CUL4A: variants seen among roughly 807,000 people sequenced by gnomAD.
The protein encoded by CUL4A is cullin-4A.
CUL4A carries 16 observed loss-of-function variants against 95.5 expected under a neutral mutation model. That is an observed-to-expected ratio of 0.17 (90% CI 0.11 to 0.25). The LOEUF (loss-of-function observed/expected upper bound fraction) is 0.25. Among genes scored for constraint, CUL4A ranks in the 10% least tolerant of loss-of-function variants. The pLI is 1.00. For synonymous variants in CUL4A, 380 were observed against 353.1 expected (o/e 1.08, Z -0.85); for missense variants, 610 against 937.0 (o/e 0.65, Z 4.56).
intron 15 of CUL4A, among the ~76,000 whole-genome samples, 194 bp downstream of exon 15, chr13:113,246,257 A>T (rs914120092): frequency 2.0e-5 from 3 of 152,224 alleles, no homozygotes; most frequent in Non-Finnish European, 4.4e-5. Flanking sequence ...GGCTCCTCCC[A>T]GTGCAGCCTG....
chr13:113,255,269 A>G (rs1475523436), intron 18 of CUL4A, 144 bp downstream of exon 18: 2 of 538,944 alleles, frequency 3.7e-6, no homozygotes, highest in East Asian at 3.2e-5. Context: ...AAGAGTACTC[A>G]TTTTCCTGTC....
Position 113,264,274 on chromosome 13 carries a change from T to C in CUL4A, c.*692T>C, listed in dbSNP as rs912800409. ...CTGAGTTCCTTGTGAATCTCTGTTT[T>C]AGGGTTTGGGGCTAGTGTGTTTGTG... On this transcript the variant is annotated 3_prime_UTR_variant, in exon 20 of 20. Coordinates refer to ENST00000375440, the MANE Select transcript of CUL4A (RefSeq NM_001008895.4). 1 of 152,206 alleles carries C rather than the reference T, an allele frequency of 6.6e-6. No individual in the cohort carries two copies. The highest frequency in any genetic ancestry group is 1.5e-5 in the Non-Finnish European group (1 of 68,036). 9.4% of individuals were successfully genotyped at this position (152,206 alleles called of 1,614,324 possible). A position where few individuals can be genotyped will look rare whatever the true frequency, so the allele number is the denominator to read the frequency against.
At chr13:113,234,414 A>G (rs994183930) in intron 7 of CUL4A, among the ~76,000 whole-genome samples, 2 of 152,200 alleles carry the variant, frequency 1.3e-5, no homozygotes, top group Admixed American at 1.3e-4. Flanking sequence ...TCACCTTTCC[A>G]GATACCAGAG....
intron 2 of CUL4A, among the ~76,000 whole-genome samples, chr13:113,214,868 C>T (rs1048299821): frequency 2.0e-5 from 3 of 151,996 alleles, no homozygotes; most frequent in African/African-American, 7.2e-5. Flanking sequence ...CTGTGAAGGT[C>T]GCTATATGAC....
At chr13:113,228,119 CAT>C (rs1354451871) in intron 4 of CUL4A, 74 bp downstream of exon 4, 8 of 1,115,870 alleles carry the variant, frequency 7.2e-6, no homozygotes, top group Admixed American at 1.7e-5. Context: ...AGAGCTGAGA[CAT>C]AGAAGTTCTG....
intron 18 of CUL4A, among the ~76,000 whole-genome samples, chr13:113,258,895 G>A (rs1028780712): frequency 5.3e-5 from 8 of 152,202 alleles, no homozygotes; most frequent in African/African-American, 1.9e-4. Context: ...CCTGATCAGG[G>A]AGCCACAGCT....
Position 113,241,905 on chromosome 13 carries a change from T to C in CUL4A, c.1036-1063T>C, listed in dbSNP as rs1329590861. Among the ~76,000 whole-genome samples the C allele has an allele frequency of 2.0e-5, 3 of 152,202 alleles. No homozygotes were observed. In the East Asian group the frequency reaches 5.8e-4, roughly 29 times the overall value. On this transcript the variant is annotated intron_variant, in intron 10 of 19. Transcript: ENST00000375440. ...ATTCTATTGAGACGAATTTTTTAAA[T>C]CCAATCATTGTATTCAGTTCCTCTT...
chr13:113,225,391 T>C (rs2041063273), intron 3 of CUL4A, among the ~76,000 whole-genome samples: 1 of 152,272 alleles, frequency 6.6e-6, no homozygotes, highest in Non-Finnish European at 1.5e-5. Flanking sequence ...TACCATTTTG[T>C]AGTTTTTTTC....
intron 9 of CUL4A, among the ~76,000 whole-genome samples, chr13:113,238,282 A>G (rs2041608399): frequency 6.6e-6 from 1 of 152,086 alleles, no homozygotes; most frequent in Non-Finnish European, 1.5e-5. Flanking sequence ...TCTACCAAAA[A>G]AATAAAAATA....
At chr13:113,210,223 C>T in intron 2 of CUL4A, 135 bp downstream of exon 2, 1 of 541,866 alleles carries the variant, frequency 1.8e-6, no homozygotes, top group South Asian at 2.6e-5. Context: ...ACTGCAGGGC[C>T]GGGAGCCCCA....
intron 14 of CUL4A, among the ~76,000 whole-genome samples, chr13:113,245,672 GA>G (rs2041838058): frequency 6.6e-6 from 1 of 152,158 alleles, no homozygotes; most frequent in Admixed American, 6.5e-5. Flanking sequence ...TATGTAAGAA[GA>G]AAATTACACT....
At position 113,239,491 on chromosome 13, in the gene CUL4A, G is replaced by C. The variant is rs780132772; in HGVS notation, c.975G>C (p.Leu325=). The change falls in exon 10 of 20, where the codon CTG becomes CTC. Residue 325 remains leucine, a synonymous_variant. Transcript: ENST00000375440. ...CGGACCTCGCACAGATGTACCAGCT[G>C]TTCAGCCGGGTGAGGGGCGGGCAGC... ...RVPDLAQMYQ[L]FSRVRGGQQA... The C allele has an allele frequency of 1.2e-6, 2 of 1,613,954 alleles. No homozygotes were observed. The highest frequency in any genetic ancestry group is 2.2e-5 in the South Asian group (2 of 90,996).
At chr13:113,260,539 GAC>G in intron 18 of CUL4A, 66 bp from the exon 19 acceptor site, 1 of 1,420,284 alleles carries the variant, frequency 7.0e-7, no homozygotes, top group Non-Finnish European at 9.5e-7. Flanking sequence ...AACTGAGTGA[GAC>G]TCCATCGCAA....
intron 19 of CUL4A, among the ~76,000 whole-genome samples, chr13:113,262,713 G>GC (rs2042314367): frequency 6.6e-6 from 1 of 152,224 alleles, no homozygotes; most frequent in South Asian, 2.1e-4. Context: ...GATAAAAGTT[G>GC]CCCCAGTAAG....
At chr13:113,242,825 C>T in intron 10 of CUL4A, 143 bp from the exon 11 acceptor site, 2 of 651,598 alleles carry the variant, frequency 3.1e-6, no homozygotes, top group Non-Finnish European at 4.9e-6. Flanking sequence ...AATGTGAATT[C>T]AATTTGTGAA....
At position 113,266,977 on chromosome 13, in the gene CUL4A, C is replaced by A. The variant is rs757464328; in HGVS notation, c.*3395C>A. 6.6e-6 allele frequency: 1 copy of A among 152,108 alleles called. No individual in the cohort carries two copies. Among genetic ancestry groups the A allele is most frequent in the African/African-American group, 2.4e-5 (1 of 41,418 alleles). 9.4% of individuals were successfully genotyped at this position (152,108 alleles called of 1,614,324 possible). On this transcript the variant is annotated 3_prime_UTR_variant, in exon 20 of 20. Coordinates refer to ENST00000375440, the MANE Select transcript of CUL4A (RefSeq NM_001008895.4). ...TACATCCATCACCTCAAATACTTAA[C>A]ATTTTTGTAGTGAGAACATCTGAAA...
intron 18 of CUL4A, among the ~76,000 whole-genome samples, chr13:113,260,202 T>TAAAAAAAA (rs2042234392): frequency 1.6e-3 from 1 of 644 alleles, no homozygotes; most frequent in Non-Finnish European, 3.1e-3. Flanking sequence ...AGACTCCGTC[T>TAAAAAAAA]CAAAAAAAAA....
At chr13:113,242,925 A>G (rs367933332) in intron 10 of CUL4A, 43 bp from the exon 11 acceptor site, 410 of 1,500,780 alleles carry the variant, frequency 2.7e-4, no homozygotes, top group Non-Finnish European at 3.4e-4. Context: ...ACTGTTTGCT[A>G]TTGTAAACAT....
At chr13:113,258,897 G>C (rs111343907) in intron 18 of CUL4A, among the ~76,000 whole-genome samples, 1 of 152,312 alleles carries the variant, frequency 6.6e-6, no homozygotes, top group African/African-American at 2.4e-5. Context: ...TGATCAGGGA[G>C]CCACAGCTGG....
Sources: gnomAD v4.1 joint callset for allele counts (sites outside exome capture counted in the v4.1 genomes callset) on GRCh38, gnomAD v4.1.1 for gene constraint, MANE v1.5 for transcripts, NCBI Gene and HGNC (gene_info 2026-07-23, HGNC 2026-07-21) for gene names.